MRPL48: variants seen among roughly 807,000 people sequenced by gnomAD.
MRPL48 encodes large ribosomal subunit protein mL48.
A neutral mutation model predicts 32.9 loss-of-function variants in MRPL48; 16 were observed. The observed-to-expected ratio is 0.49, with a 90% CI of 0.33 to 0.74. The LOEUF is 0.74. MRPL48 is among the 30% of genes least tolerant of loss of function. The probability of loss-of-function intolerance (pLI) is 0.02; values close to 1 mark genes in which losing one functional copy is unlikely to be tolerated. For synonymous variants in MRPL48, 94 were observed against 89.2 expected (o/e 1.05, Z -0.31); for missense variants, 206 against 245.3 (o/e 0.84, Z 1.07).
At chr11:73,825,529 C>T (rs958292514) in intron 3 of MRPL48, among the ~76,000 whole-genome samples, 179 bp from the exon 4 acceptor site, 7 of 149,752 alleles carry the variant, frequency 4.7e-5, no homozygotes, top group African/African-American at 7.4e-5. Context: ...TTGGGGTCGG[C>T]GGGGAGGGGG....
intron 1 of MRPL48, among the ~76,000 whole-genome samples, chr11:73,788,409 G>A (rs1385816105): frequency 2.6e-5 from 4 of 151,650 alleles, no homozygotes; most frequent in Non-Finnish European, 4.4e-5. Flanking sequence ...AACTGATGAG[G>A]ATGTGAAGCT....
At chr11:73,825,580 G>A (rs1363385712) in intron 3 of MRPL48, 128 bp from the exon 4 acceptor site, 8 of 759,644 alleles carry the variant, frequency 1.1e-5, no homozygotes, top group Non-Finnish European at 1.7e-5. Flanking sequence ...CCAGAAGTTC[G>A]AGGCTTCAAT....
intron 3 of MRPL48, among the ~76,000 whole-genome samples, chr11:73,824,149 TG>T (rs1947841693): frequency 6.6e-6 from 1 of 151,398 alleles, no homozygotes. Context: ...CCACCGCACC[TG>T]GCCAAGACCC....
At chr11:73,848,375 A>G (rs1159885928) in intron 5 of MRPL48, among the ~76,000 whole-genome samples, 1 of 151,752 alleles carries the variant, frequency 6.6e-6, no homozygotes, top group African/African-American at 2.4e-5. Flanking sequence ...TTGATTACCA[A>G]CTCTAACTTT....
At chr11:73,829,936 AT>A (rs1947963691) in intron 4 of MRPL48, among the ~76,000 whole-genome samples, 5 of 151,706 alleles carry the variant, frequency 3.3e-5, no homozygotes. Context: ...GGCTCATTAT[AT>A]TTTTGTAGAG....
At chr11:73,822,901 A>G (rs921822023) in intron 3 of MRPL48, 1 of 401,808 alleles carries the variant, frequency 2.5e-6, no homozygotes, top group African/African-American at 2.1e-5. Flanking sequence ...TTAGATTCTC[A>G]TAGGAGCATG....
At chr11:73,822,167 A>G (rs1739705082) in intron 3 of MRPL48, among the ~76,000 whole-genome samples, 1 of 152,094 alleles carries the variant, frequency 6.6e-6, no homozygotes, top group Non-Finnish European at 1.5e-5. Flanking sequence ...CCTTGGTTAT[A>G]TTCTGTGCTC....
intron 1 of MRPL48, among the ~76,000 whole-genome samples, chr11:73,801,217 C>CT (rs986113212): frequency 9.2e-5 from 14 of 152,230 alleles, no homozygotes; most frequent in Admixed American, 8.5e-4. Flanking sequence ...TCATTTTGAT[C>CT]TTTTTTTCCC....
chr11:73,815,490 C>A (rs1199811745), intron 3 of MRPL48, among the ~76,000 whole-genome samples: 1 of 151,698 alleles, frequency 6.6e-6, no homozygotes, highest in Non-Finnish European at 1.5e-5. Context: ...CTGTGTAGAT[C>A]TGGGATTTTT....
rs1948649332 is a variant in MRPL48, at chr11:73,865,015, TCTC to T, written c.*648_*650del. 1 of 152,452 alleles carries T rather than the reference TCTC, an allele frequency of 6.6e-6. No individual in the cohort carries two copies. The highest frequency in any genetic ancestry group is 1.5e-5 in the Non-Finnish European group (1 of 68,306). The allele number at this position is 152,452 out of a possible 1,614,324, so 9.4% of individuals were successfully genotyped here. ...ACCATGTTAGCCAAGATGGTCTCGA[TCTC>T]CTGACCTCGTGATCCGCCAGCCTTG... is the stretch of plus-strand genomic sequence containing the variant. On this transcript the variant is annotated 3_prime_UTR_variant, in exon 8 of 8. Coordinates refer to ENST00000310614, the MANE Select transcript of MRPL48 (RefSeq NM_016055.6).
At chr11:73,858,500 C>T (rs1370667258) in intron 5 of MRPL48, among the ~76,000 whole-genome samples, 1 of 152,204 alleles carries the variant, frequency 6.6e-6, no homozygotes, top group Non-Finnish European at 1.5e-5. Flanking sequence ...TACTTCTAAA[C>T]TCCTGATCTT....
intron 5 of MRPL48, among the ~76,000 whole-genome samples, chr11:73,855,454 T>C (rs1243994850): frequency 6.6e-6 from 1 of 152,066 alleles, no homozygotes. Context: ...GCTCTTCCTC[T>C]CTTCATCTAA....
At chr11:73,829,103 T>C (rs1453857416) in intron 4 of MRPL48, among the ~76,000 whole-genome samples, 1 of 152,156 alleles carries the variant, frequency 6.6e-6, no homozygotes, top group Non-Finnish European at 1.5e-5. Context: ...CCCACCTTCC[T>C]CTCCAGCCTC....
chr11:73,805,348 G>A (rs1947430233), intron 2 of MRPL48, among the ~76,000 whole-genome samples: 1 of 150,232 alleles, frequency 6.7e-6, no homozygotes, highest in Non-Finnish European at 1.5e-5. Context: ...CCAGGCTGGA[G>A]TGCAGTGGCG....
At position 73,850,816 on chromosome 11, in the gene MRPL48, AC is replaced by A. The variant is rs531677038; in HGVS notation, c.371+5841del. 1.3e-5 allele frequency: 3 copies of A among 228,664 alleles called. No homozygotes were observed. The East Asian group carries it at 3.8e-4, about 29-fold the overall frequency. The allele number at this position is 228,664 out of a possible 1,614,324, so 14.2% of individuals were successfully genotyped here. A position where few individuals can be genotyped will look rare whatever the true frequency, so the allele number is the denominator to read the frequency against. On this transcript the variant is annotated intron_variant, in intron 5 of 7. Coordinates refer to ENST00000310614, the MANE Select transcript of MRPL48 (RefSeq NM_016055.6). The stretch of plus-strand genomic sequence containing the variant: ...CTCAGCTTCCTGAGTAGCTGGGACT[AC>A]AGGCACCTGCCACAACGCCTGGCTA...
Position 73,864,436 on chromosome 11 carries a change from A to G in MRPL48, c.*66A>G. On this transcript the variant is annotated 3_prime_UTR_variant, in exon 8 of 8. Transcript: ENST00000310614. ...TGCCAAAGAGAAGAGCTTACTGGGT[A>G]GTTAGAGTTCATCAGGAGACCCAAC... is the stretch of plus-strand genomic sequence containing the variant. The G allele has an allele frequency of 6.6e-7, 1 of 1,525,892 alleles. No individual in the cohort carries two copies. The allele number at this position is 1,525,892 out of a possible 1,614,324, so 94.5% of individuals were successfully genotyped here. A position where few individuals can be genotyped will look rare whatever the true frequency, so the allele number is the denominator to read the frequency against.
intron 1 of MRPL48, among the ~76,000 whole-genome samples, chr11:73,800,107 C>T (rs543848833): frequency 7.9e-5 from 12 of 151,854 alleles, no homozygotes; most frequent in Admixed American, 4.6e-4. Context: ...GTTGCTGTAA[C>T]AATTAATTGA....
Position 73,825,731 on chromosome 11 carries a change from C to T in MRPL48, c.136C>T (p.Arg46Trp), listed in dbSNP as rs367770806. The change falls in exon 4 of 8, where the codon CGG becomes TGG. Residue 46 changes from arginine to tryptophan, a missense_variant. By Grantham distance (101) the Arg-to-Trp change is moderately radical. Transcript: ENST00000310614. ...AGGTGGAATTCTACTAAGTATCAGT[C>T]GGCCCTACAAGACAAAGCCCACCCA... The part of the protein sequence containing the change: ...SVGGILLSIS[R>W]PYKTKPTHGI... 8.9e-6 allele frequency: 14 copies of T among 1,566,084 alleles called. No homozygotes were observed. The highest frequency in any genetic ancestry group is 6.8e-5 in the African/African-American group (5 of 73,608).
chr11:73,798,085 T>A (rs1038144062), intron 1 of MRPL48, among the ~76,000 whole-genome samples: 16 of 151,998 alleles, frequency 1.1e-4, no homozygotes, highest in African/African-American at 3.6e-4. Context: ...AAAAACAATT[T>A]TTTTTTTCTT....
Sources: gnomAD v4.1 joint callset for allele counts (sites outside exome capture counted in the v4.1 genomes callset) on GRCh38, gnomAD v4.1.1 for gene constraint, MANE v1.5 for transcripts, NCBI Gene and HGNC (gene_info 2026-07-23, HGNC 2026-07-21) for gene names.